The following CSMD1 variants were observed in gnomAD, a reference collection of about 807,000 sequenced individuals.
The protein encoded by CSMD1 is CUB and Sushi multiple domains 1.
Under a neutral mutation model 417.5 loss-of-function variants are expected in CSMD1, and 213 were observed. The observed-to-expected ratio is 0.51, with a 90% CI of 0.46 to 0.57. The LOEUF is 0.57. Ranked by LOEUF, CSMD1 falls within the 20% of genes least tolerant of loss-of-function variation. The probability of loss-of-function intolerance (pLI) is 0.00; values close to 1 mark genes in which losing one functional copy is unlikely to be tolerated. For missense variants in CSMD1, 6,923 were observed against 4,529.7 expected (o/e 1.53, Z -15.17); for synonymous variants, 2,862 against 1,736.8 (o/e 1.65, Z -16.11).
At position 3,755,292 on chromosome 8, in the gene CSMD1, T is replaced by C. The variant is rs111601122; in HGVS notation, c.819-1250A>G. Among the ~76,000 whole-genome samples, 515 of 152,288 alleles carry C rather than the reference T, an allele frequency of 3.4e-3. 2 individuals carry two copies. The highest frequency in any genetic ancestry group is 0.011 in the African/African-American group (474 of 41,568). The stretch of plus-strand genomic sequence containing the variant: ...CATGTTTATGAACCTCTGTTACCCA[T>C]TGTATAAACTGGACACGAAAATACC... On this transcript the variant is annotated intron_variant, in intron 5 of 69. Transcript: ENST00000635120.
intron 30 of CSMD1, 33 bp from the exon 31 acceptor site, chr8:3,205,653 G>C: frequency 2.7e-6 from 3 of 1,092,462 alleles, no homozygotes; most frequent in Non-Finnish European, 4.1e-6. Flanking sequence ...ATTAGTCGCT[G>C]TGCAATAATA....
At chr8:4,363,741 G>C (rs147181773) in intron 3 of CSMD1, among the ~76,000 whole-genome samples, 218 of 152,282 alleles carry the variant, frequency 1.4e-3, no homozygotes, top group Middle Eastern at 0.01. Context: ...TGTTGCAAAA[G>C]ACAGGATCTC....
chr8:4,273,285 A>C (rs1293724701), intron 3 of CSMD1, among the ~76,000 whole-genome samples: 2 of 152,166 alleles, frequency 1.3e-5, no homozygotes, highest in Admixed American at 1.3e-4. Context: ...AATGAATGTG[A>C]GTATATGTAT....
At chr8:4,993,867 C>A (rs1460421569) in intron 1 of CSMD1, among the ~76,000 whole-genome samples, 2 of 152,078 alleles carry the variant, frequency 1.3e-5, no homozygotes, top group African/African-American at 4.8e-5. Flanking sequence ...GGTACCAAAA[C>A]CCCCGTAGAG....
chr8:4,171,008 G>C (rs935746318), intron 3 of CSMD1, among the ~76,000 whole-genome samples: 1 of 151,848 alleles, frequency 6.6e-6, no homozygotes, highest in Admixed American at 6.5e-5. Context: ...CTTCAGCATG[G>C]GATAATGGCC....
intron 12 of CSMD1, among the ~76,000 whole-genome samples, chr8:3,439,938 C>T (rs1486893580): frequency 1.3e-5 from 2 of 152,126 alleles, no homozygotes; most frequent in Admixed American, 6.5e-5. Flanking sequence ...ATTGCTTTGG[C>T]CCCTTTACCA....
At chr8:3,814,572 G>A (rs1012519688) in intron 5 of CSMD1, among the ~76,000 whole-genome samples, 2 of 152,182 alleles carry the variant, frequency 1.3e-5, no homozygotes, top group Middle Eastern at 3.2e-3. Context: ...GATACCACTT[G>A]CACCTAGTGG....
chr8:4,187,716 G>C (rs1295017173), intron 3 of CSMD1, among the ~76,000 whole-genome samples: 1 of 140,408 alleles, frequency 7.1e-6, no homozygotes, highest in Non-Finnish European at 1.5e-5. Flanking sequence ...GTTTATTCTA[G>C]TTAGTGTACA....
At chr8:3,342,406 T>C (rs972640492) in intron 23 of CSMD1, among the ~76,000 whole-genome samples, 3 of 152,202 alleles carry the variant, frequency 2.0e-5, no homozygotes, top group African/African-American at 7.2e-5. Flanking sequence ...TCTAATGTCA[T>C]GGTGTTCAGT....
intron 3 of CSMD1, among the ~76,000 whole-genome samples, chr8:4,289,221 C>T (rs966972917): frequency 1.3e-5 from 2 of 152,146 alleles, no homozygotes; most frequent in South Asian, 2.1e-4. Flanking sequence ...AGATACCTGT[C>T]GGTCATTTCT....
intron 2 of CSMD1, among the ~76,000 whole-genome samples, chr8:4,636,980 AG>A (rs1356066342): frequency 6.6e-6 from 1 of 152,210 alleles, no homozygotes. Flanking sequence ...TCGTAAAAGT[AG>A]CCAATCACAC....
chr8:4,167,429 T>G (rs1228108350), intron 3 of CSMD1, among the ~76,000 whole-genome samples: 2 of 152,072 alleles, frequency 1.3e-5, no homozygotes. Flanking sequence ...GAAATGGTAA[T>G]AGAAATGTTA....
At chr8:3,031,613 T>C (rs900959813) in intron 50 of CSMD1, among the ~76,000 whole-genome samples, 12 of 152,010 alleles carry the variant, frequency 7.9e-5, no homozygotes, top group Non-Finnish European at 1.6e-4. Flanking sequence ...TGGCCCACGC[T>C]GGTCCTGAAG....
At chr8:3,325,040 T>G (rs1806436528) in intron 23 of CSMD1, among the ~76,000 whole-genome samples, 1 of 152,218 alleles carries the variant, frequency 6.6e-6, no homozygotes, top group African/African-American at 2.4e-5. Context: ...ATGTCAGAAT[T>G]TGTGGAGCAG....
At chr8:3,635,837 A>C (rs979405828) in intron 7 of CSMD1, among the ~76,000 whole-genome samples, 4 of 151,794 alleles carry the variant, frequency 2.6e-5, no homozygotes, top group African/African-American at 9.7e-5. Flanking sequence ...AGAAAAAAAA[A>C]ATGAGACACT....
At chr8:4,164,211 G>C (rs892221397) in intron 3 of CSMD1, among the ~76,000 whole-genome samples, 2 of 150,098 alleles carry the variant, frequency 1.3e-5, no homozygotes, top group Non-Finnish European at 3.0e-5. Flanking sequence ...AAAAAAAAAT[G>C]ACAAAAATAT....
chr8:4,017,184 C>G (rs1237482211), intron 4 of CSMD1, among the ~76,000 whole-genome samples: 1 of 152,186 alleles, frequency 6.6e-6, no homozygotes, highest in Non-Finnish European at 1.5e-5. Flanking sequence ...AAGCTTCCTT[C>G]TAGATATCTT....
chr8:4,063,039 G>A (rs375175953), intron 3 of CSMD1, among the ~76,000 whole-genome samples: 4 of 152,124 alleles, frequency 2.6e-5, no homozygotes, highest in South Asian at 2.1e-4. Context: ...AGGAAGAAAC[G>A]TTGGCTAATA....
At chr8:3,032,635 C>T (rs1018406026) in intron 50 of CSMD1, among the ~76,000 whole-genome samples, 2 of 152,008 alleles carry the variant, frequency 1.3e-5, no homozygotes, top group South Asian at 2.1e-4. Context: ...CATGCCTGTA[C>T]GTGGTTTCTA....
Sources: gnomAD v4.1 joint callset for allele counts (sites outside exome capture counted in the v4.1 genomes callset) on GRCh38, gnomAD v4.1.1 for gene constraint, MANE v1.5 for transcripts, NCBI Gene and HGNC (gene_info 2026-07-23, HGNC 2026-07-21) for gene names.